MAMLD1: variants seen among roughly 807,000 people sequenced by gnomAD.
The protein encoded by MAMLD1 is mastermind like domain containing 1.
A neutral mutation model predicts 45.0 loss-of-function variants in MAMLD1; 14 were observed. The observed-to-expected ratio is 0.31, with a 90% CI of 0.21 to 0.49. The LOEUF is 0.49. Among genes scored for constraint, MAMLD1 ranks in the 20% least tolerant of loss-of-function variants. MAMLD1 has a pLI of 0.99. For missense variants in MAMLD1, 543 were observed against 603.6 expected (o/e 0.90, Z 1.05); for synonymous variants, 254 against 247.8 (o/e 1.02, Z -0.24).
intron 1 of MAMLD1, among the ~76,000 whole-genome samples, chrX:150,399,586 G>C (rs782569904): frequency 1.1e-4 from 12 of 111,714 alleles, no homozygotes; most frequent in African/African-American, 3.9e-4. Context: ...GACAGAGAAG[G>C]ACACAGAGAC....
At chrX:150,367,910 T>C (rs1327682293) in intron 1 of MAMLD1, among the ~76,000 whole-genome samples, 2 of 111,988 alleles carry the variant, frequency 1.8e-5, no homozygotes, top group African/African-American at 6.5e-5. Flanking sequence ...TATGGCTGCG[T>C]AGTATTCCAT....
At position 150,512,348 on chromosome X, in the gene MAMLD1, T is replaced by C; in HGVS notation, c.*389T>C. 1 of 1,133,333 alleles carries C rather than the reference T, an allele frequency of 8.8e-7. No individual in the cohort carries two copies. The allele number at this position is 1,133,333 out of a possible 1,213,427, so 93.4% of individuals were successfully genotyped here. A position where few individuals can be genotyped will look rare whatever the true frequency, so the allele number is the denominator to read the frequency against. Reference sequence around the variant, plus strand: ...CTGTCCCAGCTCCCTGGGCACCCAGTCCTTGAGTCCCCACCAGCTCAGACG... The same window carrying C: ...CTGTCCCAGCTCCCTGGGCACCCAGCCCTTGAGTCCCCACCAGCTCAGACG... On this transcript the variant is annotated 3_prime_UTR_variant, in exon 8 of 8. Transcript: ENST00000370401.
At chrX:150,405,575 C>T (rs979606671) in intron 1 of MAMLD1, among the ~76,000 whole-genome samples, 4 of 111,960 alleles carry the variant, frequency 3.6e-5, no homozygotes, top group African/African-American at 6.5e-5. Flanking sequence ...GGGAACCCAT[C>T]GCAATGGGAC....
intron 1 of MAMLD1, among the ~76,000 whole-genome samples, chrX:150,375,885 G>C (rs1557401458): frequency 3.6e-5 from 4 of 112,103 alleles, no homozygotes; most frequent in Non-Finnish European, 7.5e-5. Context: ...AATGAGAGTA[G>C]TTTGTAAATT....
chrX:150,502,361 T>C (rs1440484555), intron 5 of MAMLD1, among the ~76,000 whole-genome samples: 1 of 112,248 alleles, frequency 8.9e-6, no homozygotes, highest in Non-Finnish European at 1.9e-5. Flanking sequence ...TTCCTTCATG[T>C]AGAAAGAAGA....
intron 1 of MAMLD1, among the ~76,000 whole-genome samples, chrX:150,365,052 G>C (rs1005484180): frequency 1.8e-5 from 2 of 112,095 alleles, no homozygotes; most frequent in Admixed American, 9.3e-5. Flanking sequence ...AGGCCGCGCA[G>C]CTTCTTTCCT....
intron 2 of MAMLD1, among the ~76,000 whole-genome samples, chrX:150,462,565 T>G (rs952139769): frequency 8.0e-5 from 9 of 112,159 alleles, no homozygotes; most frequent in African/African-American, 2.9e-4. Flanking sequence ...CTCTCAGGAT[T>G]CACTTTGCTA....
chrX:150,370,697 C>T (rs1378756122), intron 1 of MAMLD1, among the ~76,000 whole-genome samples: 2 of 111,943 alleles, frequency 1.8e-5, no homozygotes, highest in African/African-American at 6.5e-5. Flanking sequence ...TCCACCCCCC[C>T]AGCTCTGGTT....
At chrX:150,431,707 A>G (rs2034953738) in intron 1 of MAMLD1, among the ~76,000 whole-genome samples, 1 of 105,596 alleles carries the variant, frequency 9.5e-6, no homozygotes, top group Admixed American at 1.1e-4. Flanking sequence ...AATGTCCACC[A>G]GCTCCATCCA....
chrX:150,505,044 C>G, intron 6 of MAMLD1: 1 of 753,476 alleles, frequency 1.3e-6, no homozygotes, highest in Non-Finnish European at 1.6e-6. Flanking sequence ...GAGGAGGAGT[C>G]AGAATAGAGT....
At chrX:150,394,717 T>G (rs960960462) in intron 1 of MAMLD1, among the ~76,000 whole-genome samples, 1 of 111,262 alleles carries the variant, frequency 9.0e-6, no homozygotes, top group African/African-American at 3.3e-5. Flanking sequence ...AGTAATATGG[T>G]TTTTTTTAAT....
At chrX:150,419,195 G>A (rs1367443024) in intron 1 of MAMLD1, among the ~76,000 whole-genome samples, 7 of 102,685 alleles carry the variant, frequency 6.8e-5, no homozygotes, top group Middle Eastern at 4.8e-3. Context: ...TTATGTAACT[G>A]CCTTCTTTGT....
chrX:150,491,759 C>A (rs1436549824), intron 5 of MAMLD1, among the ~76,000 whole-genome samples: 1 of 111,610 alleles, frequency 9.0e-6, no homozygotes, highest in African/African-American at 3.3e-5. Flanking sequence ...ATAGCTCTTG[C>A]CTCCTGATGG....
intron 5 of MAMLD1, among the ~76,000 whole-genome samples, chrX:150,493,956 C>G (rs1253985713): frequency 1.9e-5 from 2 of 105,023 alleles, no homozygotes; most frequent in African/African-American, 3.5e-5. Context: ...CATTGGAGTG[C>G]AGTATTTCAG....
chrX:150,416,663 A>G (rs1430791649), intron 1 of MAMLD1, among the ~76,000 whole-genome samples: 1 of 112,542 alleles, frequency 8.9e-6, no homozygotes, highest in Non-Finnish European at 1.9e-5. Flanking sequence ...AACCAGAGCC[A>G]TTGTTGCCAA....
chrX:150,509,634 C>T (rs782004236), intron 6 of MAMLD1: 6 of 270,911 alleles, frequency 2.2e-5, no homozygotes, highest in Middle Eastern at 1.2e-3. Flanking sequence ...TTTTGGTGAC[C>T]GCATCTCACT....
rs143114061 is a variant in MAMLD1 at position 150,397,452 on chromosome X, G to T, written c.-64+33922G>T. Among the ~76,000 whole-genome samples, 3 of 111,441 alleles carry T rather than the reference G, an allele frequency of 2.7e-5. No homozygotes were observed. In the South Asian group the frequency reaches 1.1e-3, roughly 42 times the overall value. ...AGAGGTTTTGTACACTGCATGTCACGTTTATTTCTAAGGATGATTTTTTTT... is the reference window on the plus strand; with the variant it reads ...AGAGGTTTTGTACACTGCATGTCACTTTTATTTCTAAGGATGATTTTTTTT... On this transcript the variant is annotated intron_variant, in intron 1 of 7. Transcript: ENST00000370401.
chrX:150,388,939 C>G (rs1242289393), intron 1 of MAMLD1, among the ~76,000 whole-genome samples: 1 of 112,218 alleles, frequency 8.9e-6, no homozygotes, highest in African/African-American at 3.2e-5. Context: ...TGATACCTTT[C>G]GTTTTTCCTA....
At chrX:150,399,513 G>A (rs2033659535) in intron 1 of MAMLD1, among the ~76,000 whole-genome samples, 1 of 111,790 alleles carries the variant, frequency 8.9e-6, no homozygotes, top group African/African-American at 3.3e-5. Flanking sequence ...GTTAAGAAGA[G>A]GCCATTAGGG....
Sources: gnomAD v4.1 joint callset for allele counts (sites outside exome capture counted in the v4.1 genomes callset) on GRCh38, gnomAD v4.1.1 for gene constraint, MANE v1.5 for transcripts, NCBI Gene and HGNC (gene_info 2026-07-23, HGNC 2026-07-21) for gene names.